Variants in ST8SIA6 observed in about 807,000 individuals in gnomAD.
ST8SIA6 encodes ST8 alpha-N-acetyl-neuraminide alpha-2,8-sialyltransferase 6.
A neutral mutation model predicts 33.6 loss-of-function variants in ST8SIA6; 39 were observed. The observed-to-expected ratio is 1.16, with a 90% CI of 0.90 to 1.52. The LOEUF (loss-of-function observed/expected upper bound fraction) is 1.52, where lower values mean the gene tolerates loss of function less well. ST8SIA6 is among the 40% of genes most tolerant of loss of function. ST8SIA6 has a pLI of 0.00. For missense variants in ST8SIA6, 441 were observed against 443.8 expected (o/e 0.99, Z 0.06); for synonymous variants, 172 against 167.2 (o/e 1.03, Z -0.22).
At chr10:17,352,524 G>A (rs11254543) in intron 4 of ST8SIA6, among the ~76,000 whole-genome samples, 26,789 of 152,034 alleles carry the variant, frequency 0.18, 2,699 homozygotes, top group East Asian at 0.49. Flanking sequence ...AAGCAATGTT[G>A]TAAGGAAAAG....
At chr10:17,397,233 G>GTTTTT (rs34049805) in intron 2 of ST8SIA6, among the ~76,000 whole-genome samples, 2 of 124,246 alleles carry the variant, frequency 1.6e-5, no homozygotes, top group Non-Finnish European at 3.2e-5. Flanking sequence ...ATTGTTTTTT[G>GTTTTT]TTTTTTTTTT....
intron 6 of ST8SIA6, among the ~76,000 whole-genome samples, chr10:17,325,032 GTATT>G (rs917139117): frequency 2.9e-4 from 40 of 139,808 alleles, no homozygotes; most frequent in African/African-American, 9.9e-4. Context: ...TTATATAATT[GTATT>G]TATTATATGT....
At chr10:17,433,047 G>A (rs1222168224) in intron 2 of ST8SIA6, among the ~76,000 whole-genome samples, 2 of 152,152 alleles carry the variant, frequency 1.3e-5, no homozygotes, top group Non-Finnish European at 2.9e-5. Context: ...TCTGGGAGCT[G>A]CCCAATTCAT....
chr10:17,368,467 G>A (rs1335867675), intron 3 of ST8SIA6, among the ~76,000 whole-genome samples: 2 of 147,600 alleles, frequency 1.4e-5, no homozygotes, highest in African/African-American at 5.0e-5. Context: ...TTGTAGTAAC[G>A]GTTGATAGCA....
chr10:17,447,213 A>G (rs568883266), intron 2 of ST8SIA6, among the ~76,000 whole-genome samples: 18 of 151,814 alleles, frequency 1.2e-4, no homozygotes, highest in African/African-American at 4.4e-4. Flanking sequence ...ACATAGTGAA[A>G]CCCCATCTTT....
intron 2 of ST8SIA6, among the ~76,000 whole-genome samples, chr10:17,435,537 T>C (rs1014282586): frequency 6.6e-6 from 1 of 152,184 alleles, no homozygotes; most frequent in Non-Finnish European, 1.5e-5. Context: ...GAAATCATAC[T>C]AAGCTGCTGA....
At chr10:17,331,076 T>C (rs369947904) in intron 5 of ST8SIA6, among the ~76,000 whole-genome samples, 2 of 152,142 alleles carry the variant, frequency 1.3e-5, no homozygotes, top group South Asian at 2.1e-4. Context: ...TAACTGACAA[T>C]TGGAAGAATC....
intron 3 of ST8SIA6, among the ~76,000 whole-genome samples, chr10:17,367,568 A>G (rs968499713): frequency 2.6e-5 from 4 of 152,142 alleles, no homozygotes; most frequent in Non-Finnish European, 5.9e-5. Flanking sequence ...GAATCAATAA[A>G]CAAATAATGA....
At chr10:17,368,079 G>C (rs1369860071) in intron 3 of ST8SIA6, among the ~76,000 whole-genome samples, 2 of 151,802 alleles carry the variant, frequency 1.3e-5, no homozygotes, top group Non-Finnish European at 2.9e-5. Flanking sequence ...CTATGCATCA[G>C]TAATAACCAA....
chr10:17,399,037 T>C (rs1850931355), intron 2 of ST8SIA6: 1 of 152,258 alleles, frequency 6.6e-6, no homozygotes, highest in Non-Finnish European at 1.5e-5. Context: ...ATTAATATTC[T>C]GATTTATAAA....
intron 2 of ST8SIA6, chr10:17,407,921 T>G (rs1191486005): frequency 6.6e-6 from 1 of 152,574 alleles, no homozygotes; most frequent in African/African-American, 2.4e-5. Flanking sequence ...AAAAGTAAAG[T>G]GAGCTCTCAT....
At chr10:17,331,626 A>G in intron 4 of ST8SIA6, 74 bp from the exon 5 acceptor site, 1 of 1,431,136 alleles carries the variant, frequency 7.0e-7, no homozygotes, top group Non-Finnish European at 9.3e-7. Flanking sequence ...ACGATGGACA[A>G]TGCCGAAGAG....
chr10:17,416,567 C>T (rs564348509), intron 2 of ST8SIA6, among the ~76,000 whole-genome samples: 1 of 152,218 alleles, frequency 6.6e-6, no homozygotes, highest in South Asian at 2.1e-4. Flanking sequence ...ATGAACTGCT[C>T]AAGCCAAACA....
chr10:17,375,626 A>AAGCCGCACTTATT (rs1484303586), intron 3 of ST8SIA6, among the ~76,000 whole-genome samples: 1 of 152,262 alleles, frequency 6.6e-6, no homozygotes, highest in Non-Finnish European at 1.5e-5. Context: ...CCTATGGCGT[A>AAGCCGCACTTATT]AGCCGCACTT....
intron 4 of ST8SIA6, among the ~76,000 whole-genome samples, chr10:17,349,233 C>T (rs1278939571): frequency 6.6e-6 from 1 of 152,082 alleles, no homozygotes; most frequent in South Asian, 2.1e-4. Context: ...GTGGTATAAT[C>T]CATATGAAAT....
At chr10:17,401,131 C>T (rs536970867) in intron 2 of ST8SIA6, among the ~76,000 whole-genome samples, 8 of 152,094 alleles carry the variant, frequency 5.3e-5, no homozygotes, top group Middle Eastern at 6.8e-3. Flanking sequence ...TCTTATACAC[C>T]AATAACAGAC....
At chr10:17,409,267 T>A (rs2131692194) in intron 2 of ST8SIA6, 1 of 152,772 alleles carries the variant, frequency 6.5e-6, no homozygotes, top group African/African-American at 2.4e-5. Context: ...TCTCTTACAA[T>A]CTGCAAGTCT....
intron 6 of ST8SIA6, among the ~76,000 whole-genome samples, chr10:17,325,283 TTACA>T (rs1275628301): frequency 1.4e-5 from 2 of 145,230 alleles, no homozygotes; most frequent in Admixed American, 7.0e-5. Context: ...GTACAATATA[TTACA>T]TACTATCTAT....
At chr10:17,399,856 T>G (rs1216700787) in intron 2 of ST8SIA6, among the ~76,000 whole-genome samples, 1 of 150,122 alleles carries the variant, frequency 6.7e-6, no homozygotes, top group Non-Finnish European at 1.5e-5. Flanking sequence ...AGGTGGAGAC[T>G]GCAGTACGCT....
Sources: allele counts gnomAD v4.1 joint callset (sites outside exome capture counted in the v4.1 genomes callset), GRCh38; gene constraint gnomAD v4.1.1; transcripts MANE v1.5; gene names NCBI Gene and HGNC (gene_info 2026-07-23, HGNC 2026-07-21).